Variants in TDRD5 observed in about 807,000 individuals in gnomAD.
The protein encoded by TDRD5 is tudor domain-containing protein 5.
Under a neutral mutation model 120.6 loss-of-function variants are expected in TDRD5, and 41 were observed. That is an observed-to-expected ratio of 0.34 (90% CI 0.26 to 0.44). The LOEUF (loss-of-function observed/expected upper bound fraction) is 0.44, where lower values mean the gene tolerates loss of function less well. Among genes scored for constraint, TDRD5 ranks in the 20% least tolerant of loss-of-function variants. TDRD5 has a pLI of 1.00. For synonymous variants in TDRD5, 430 were observed against 433.7 expected (o/e 0.99, Z 0.11); for missense variants, 1,006 against 1,221.2 (o/e 0.82, Z 2.63).
intron 6 of TDRD5, among the ~76,000 whole-genome samples, chr1:179,621,797 C>T (rs924067478): frequency 6.6e-6 from 1 of 152,074 alleles, no homozygotes; most frequent in Non-Finnish European, 1.5e-5. Context: ...AGGCTCTATC[C>T]AGAGCATCTT....
intron 6 of TDRD5, 38 bp downstream of exon 6, chr1:179,621,129 G>A (rs749740045): frequency 6.4e-7 from 1 of 1,560,782 alleles, no homozygotes; most frequent in East Asian, 2.3e-5. Context: ...AATTTTTTAT[G>A]GCTTATATTT....
At chr1:179,689,133 T>C (rs1680950605) in intron 17 of TDRD5, among the ~76,000 whole-genome samples, 1 of 152,220 alleles carries the variant, frequency 6.6e-6, no homozygotes. Context: ...GGAGCTCTGA[T>C]TTTTAGAATT....
intron 3 of TDRD5, 59 bp downstream of exon 3, chr1:179,593,926 A>T: frequency 6.4e-7 from 1 of 1,555,700 alleles, no homozygotes; most frequent in Non-Finnish European, 8.7e-7. Flanking sequence ...TGTAATCACT[A>T]AGGTCTATGA....
chr1:179,608,123 G>A (rs1359105059), intron 4 of TDRD5, among the ~76,000 whole-genome samples: 2 of 151,578 alleles, frequency 1.3e-5, no homozygotes, highest in Non-Finnish European at 2.9e-5. Context: ...CCATTTTTTT[G>A]TCTTCGTAGT....
chr1:179,596,576 A>G (rs1675403180), intron 4 of TDRD5, among the ~76,000 whole-genome samples: 1 of 152,222 alleles, frequency 6.6e-6, no homozygotes, highest in Non-Finnish European at 1.5e-5. Flanking sequence ...AACAATATCT[A>G]ATCTTTTGTG....
intron 17 of TDRD5, among the ~76,000 whole-genome samples, chr1:179,678,732 G>A (rs1349056091): frequency 6.6e-6 from 1 of 152,066 alleles, no homozygotes; most frequent in Non-Finnish European, 1.5e-5. Context: ...TAGAAATATA[G>A]TTGGTTTTCA....
chr1:179,689,190 A>G (rs1275300534), intron 17 of TDRD5, among the ~76,000 whole-genome samples: 1 of 152,026 alleles, frequency 6.6e-6, no homozygotes, highest in African/African-American at 2.4e-5. Flanking sequence ...AGTTTTATCT[A>G]CCTTTGGTCT....
At chr1:179,675,303 G>A (rs1342231821) in intron 17 of TDRD5, among the ~76,000 whole-genome samples, 10 of 77,734 alleles carry the variant, frequency 1.3e-4, no homozygotes, top group South Asian at 4.2e-4. Flanking sequence ...TTTTTGAGAC[G>A]GAGTCTCACT....
intron 7 of TDRD5, 60 bp downstream of exon 7, chr1:179,630,980 G>A: frequency 1.4e-6 from 2 of 1,452,336 alleles, no homozygotes; most frequent in Non-Finnish European, 1.9e-6. Context: ...AGGACAAAGA[G>A]AAAACATGAA....
chr1:179,600,438 C>T (rs1675644280), intron 4 of TDRD5, among the ~76,000 whole-genome samples: 1 of 152,112 alleles, frequency 6.6e-6, no homozygotes, highest in Admixed American at 6.6e-5. Context: ...ATAAGCTGTA[C>T]CATATATCCT....
chr1:179,653,174 G>A (rs985539116), intron 13 of TDRD5, among the ~76,000 whole-genome samples: 1 of 152,106 alleles, frequency 6.6e-6, no homozygotes, highest in African/African-American at 2.4e-5. Flanking sequence ...AACAGATACT[G>A]GGCTAAGAAT....
At chr1:179,647,572 A>C (rs979250127) in intron 11 of TDRD5, among the ~76,000 whole-genome samples, 1 of 151,682 alleles carries the variant, frequency 6.6e-6, no homozygotes, top group Non-Finnish European at 1.5e-5. Flanking sequence ...CACCAAAAGC[A>C]ATGGCAACAA....
At chr1:179,655,047 G>C (rs1678926851) in intron 14 of TDRD5, among the ~76,000 whole-genome samples, 1 of 152,132 alleles carries the variant, frequency 6.6e-6, no homozygotes, top group Non-Finnish European at 1.5e-5. Flanking sequence ...GATCCCCCAT[G>C]ACTCCTTCCC....
intron 8 of TDRD5, 35 bp downstream of exon 8, chr1:179,634,664 C>A: frequency 6.4e-7 from 1 of 1,562,966 alleles, no homozygotes; most frequent in Non-Finnish European, 8.6e-7. Flanking sequence ...ACTGGAGATT[C>A]AGCATTATGG....
rs185918699 is a variant in TDRD5, at chr1:179,608,376, C to A, written c.832-10223C>A. On this transcript the variant is annotated intron_variant, in intron 4 of 17. Transcript: ENST00000444136. ...AAATTTTGTCTTCAAATATTTTTCT[C>A]TCCTCTTTTGGAGTACAATCACATC... Among the ~76,000 whole-genome samples the A allele has an allele frequency of 4.0e-3, 602 of 152,114 alleles. 8 individuals are homozygous for A. Among genetic ancestry groups the A allele is most frequent in the African/African-American group, 0.014 (589 of 41,544 alleles).
intron 17 of TDRD5, among the ~76,000 whole-genome samples, chr1:179,678,139 A>G (rs537026512): frequency 6.6e-6 from 1 of 152,076 alleles, no homozygotes; most frequent in African/African-American, 2.4e-5. Flanking sequence ...CAGGGGGATT[A>G]TGGCTGCCTC....
chr1:179,657,597 A>G (rs1679070418), intron 14 of TDRD5, among the ~76,000 whole-genome samples: 1 of 149,002 alleles, frequency 6.7e-6, no homozygotes, highest in South Asian at 2.2e-4. Context: ...TGGTTTTTAT[A>G]CTGGATAATC....
intron 3 of TDRD5, 123 bp from the exon 4 acceptor site, chr1:179,595,505 T>A: frequency 1.3e-6 from 1 of 762,764 alleles, no homozygotes; most frequent in Non-Finnish European, 2.0e-6. Flanking sequence ...AGCTTTCTTT[T>A]CTTAATTTTT....
chr1:179,661,741 C>G (rs1186266578), intron 14 of TDRD5, among the ~76,000 whole-genome samples: 1 of 152,086 alleles, frequency 6.6e-6, no homozygotes, highest in East Asian at 1.9e-4. Flanking sequence ...TTCCAAAAAC[C>G]TTTTAGTACA....
Sources: gnomAD v4.1 joint callset for allele counts (sites outside exome capture counted in the v4.1 genomes callset) on GRCh38, gnomAD v4.1.1 for gene constraint, MANE v1.5 for transcripts, NCBI Gene and HGNC (gene_info 2026-07-23, HGNC 2026-07-21) for gene names.